LAMB1: variants seen among roughly 807,000 people sequenced by gnomAD.
LAMB1 encodes the protein laminin subunit beta 1.
LAMB1 carries 121 observed loss-of-function variants against 222.3 expected under a neutral mutation model. The observed-to-expected ratio is 0.54, with a 90% CI of 0.47 to 0.63. The LOEUF is 0.63. Among genes scored for constraint, LAMB1 ranks in the 30% least tolerant of loss-of-function variants. The pLI is 0.00. For synonymous variants in LAMB1, 794 were observed against 807.2 expected (o/e 0.98, Z 0.28); for missense variants, 2,172 against 2,240.8 (o/e 0.97, Z 0.62).
intron 3 of LAMB1, 149 bp from the exon 4 acceptor site, chr7:107,998,641 T>A (rs2034325331): frequency 3.2e-6 from 2 of 621,536 alleles, no homozygotes; most frequent in Non-Finnish European, 5.4e-6. Flanking sequence ...GAGATTTGTA[T>A]CACATCTTTC....
intron 13 of LAMB1, among the ~76,000 whole-genome samples, chr7:107,964,890 T>C (rs1394370610): frequency 1.8e-4 from 28 of 152,244 alleles, no homozygotes; most frequent in Admixed American, 1.8e-3. Flanking sequence ...GAACCTGGTC[T>C]TCTCGGTTTT....
Position 107,929,569 on chromosome 7 carries a change from T to G in LAMB1, c.4588A>C (p.Lys1530Gln). 6.2e-7 allele frequency: 1 copy of G among 1,614,158 alleles called. No homozygotes were observed. Among genetic ancestry groups the G allele is most frequent in the Non-Finnish European group, 8.5e-7 (1 of 1,180,008 alleles). Residue 1530 changes from lysine (K) to glutamine (Q), a missense_variant, in exon 30 of 34, where the codon AAA becomes CAA. Transcript: ENST00000222399. The stretch of plus-strand genomic sequence containing the variant: ...TGTGGGGTGCTAGGCATCTCCATTT[T>G]CAATACTTCATTAGCAACTGCTTCA... ...SIEAVANEVL[K>Q]MEMPSTPQQL...
intron 27 of LAMB1, 42 bp downstream of exon 27, chr7:107,935,373 T>C (rs1341670727): frequency 9.1e-7 from 1 of 1,100,212 alleles, no homozygotes; most frequent in Non-Finnish European, 1.2e-6. Context: ...TTTTTTTTTT[T>C]GCTTGGCACC....
chr7:107,934,133 ATCTTT>A (rs758514697), intron 27 of LAMB1, among the ~76,000 whole-genome samples: 33 of 152,142 alleles, frequency 2.2e-4, no homozygotes, highest in South Asian at 8.3e-4. Context: ...TTTTTTCTTC[ATCTTT>A]TATTTTTCCA....
intron 26 of LAMB1, 126 bp downstream of exon 26, chr7:107,936,967 A>G: frequency 2.7e-6 from 2 of 748,146 alleles, no homozygotes; most frequent in Non-Finnish European, 4.2e-6. Flanking sequence ...TGTGCCAGAA[A>G]CTGGATGAGC....
At chr7:107,938,398 G>T (rs2032900466) in intron 25 of LAMB1, among the ~76,000 whole-genome samples, 1 of 148,028 alleles carries the variant, frequency 6.8e-6, no homozygotes, top group South Asian at 2.2e-4. Flanking sequence ...TTCTTCTCAG[G>T]TCTCATAAAA....
At chr7:107,961,492 A>C in intron 16 of LAMB1, 57 bp downstream of exon 16, 1 of 1,590,766 alleles carries the variant, frequency 6.3e-7, no homozygotes, top group Non-Finnish European at 8.6e-7. Flanking sequence ...AAAATATTAG[A>C]AAAATACTAA....
chr7:107,960,098 C>CAG (rs1318891747), intron 18 of LAMB1, among the ~76,000 whole-genome samples: 1 of 152,150 alleles, frequency 6.6e-6, no homozygotes, highest in East Asian at 1.9e-4. Context: ...CAGTGACCTT[C>CAG]AGAGGATGGT....
In LAMB1 at chr7:107,955,451, T is replaced by A. The variant is rs200447170; in HGVS notation, c.2854+16A>T. On this transcript the variant is annotated intron_variant, in intron 21 of 33. Transcript: ENST00000222399. ...TTTTCTCTCTCTTTGCCTCCCAAAG[T>A]ATGCACACGACTTACCAATGTATCC... The A allele has an allele frequency of 5.0e-6, 8 of 1,596,090 alleles. No individual in the cohort carries two copies. The highest frequency in any genetic ancestry group is 3.4e-5 in the Admixed American group (2 of 58,678).
Position 107,932,331 on chromosome 7 carries a change from CCA to C in LAMB1, c.4233_4234del (p.Cys1411TrpfsTer8). The C allele has an allele frequency of 6.2e-7, 1 of 1,614,224 alleles. No individual in the cohort carries two copies. The highest frequency in any genetic ancestry group is 8.5e-7 in the Non-Finnish European group (1 of 1,180,044). ...TTCGTCAGTTCTGCAGTTTGGCCCG[CCA>C]CATTCAGTCTCGGAACAGGAGGCCC... On this transcript the variant is annotated frameshift_variant, in exon 28 of 34. Transcript: ENST00000222399. LOFTEE classifies it high-confidence loss of function.
At chr7:107,974,947 T>TCACCAACCACCCATCCC (rs758135680) in intron 12 of LAMB1, 39 bp downstream of exon 12, 1 of 1,186,524 alleles carries the variant, frequency 8.4e-7, no homozygotes, top group East Asian at 2.3e-5. Flanking sequence ...CATGTCATCC[T>TCACCAACCACCCATCCC]CACCAACCAC....
chr7:107,961,407 C>A, intron 16 of LAMB1, 78 bp from the exon 17 acceptor site: 1 of 1,588,492 alleles, frequency 6.3e-7, no homozygotes. Context: ...AAAAACAAAG[C>A]TCTGCATCGA....
intron 5 of LAMB1, among the ~76,000 whole-genome samples, chr7:107,992,217 A>C (rs1318609091): frequency 6.6e-6 from 1 of 152,154 alleles, no homozygotes; most frequent in African/African-American, 2.4e-5. Flanking sequence ...GCCCAGGTCA[A>C]GTGCAGTCCC....
At chr7:108,001,884 G>T in intron 2 of LAMB1, 151 bp from the exon 3 acceptor site, 1 of 1,471,102 alleles carries the variant, frequency 6.8e-7, no homozygotes, top group South Asian at 1.4e-5. Flanking sequence ...ATGGAGAGAT[G>T]AGCGCAGGAG....
chr7:107,984,497 C>T (rs2034036250), intron 7 of LAMB1, among the ~76,000 whole-genome samples: 3 of 152,216 alleles, frequency 2.0e-5, no homozygotes, highest in Non-Finnish European at 4.4e-5. Flanking sequence ...ATCCGCCTGC[C>T]TTGGCCTCCC....
intron 5 of LAMB1, among the ~76,000 whole-genome samples, chr7:107,993,950 C>G (rs1017449613): frequency 1.3e-5 from 2 of 152,180 alleles, no homozygotes; most frequent in African/African-American, 4.8e-5. Flanking sequence ...TGCATTCTGA[C>G]TCCCACACCC....
chr7:107,977,404 C>G (rs1052421556), intron 9 of LAMB1, among the ~76,000 whole-genome samples: 6 of 152,144 alleles, frequency 3.9e-5, no homozygotes, highest in African/African-American at 1.4e-4. Context: ...GGCACAGAAA[C>G]AAGGCCAAAA....
intron 32 of LAMB1, 79 bp from the exon 33 acceptor site, chr7:107,924,468 G>T: frequency 8.9e-7 from 1 of 1,125,370 alleles, no homozygotes; most frequent in Non-Finnish European, 1.2e-6. Flanking sequence ...GTGTAATCAT[G>T]GCATGCATTC....
intron 20 of LAMB1, among the ~76,000 whole-genome samples, chr7:107,955,926 C>T (rs956201501): frequency 2.0e-5 from 3 of 152,044 alleles, no homozygotes; most frequent in African/African-American, 2.4e-5. Flanking sequence ...GAGATGGAGT[C>T]GCGCTCTGTT....
Sources: allele counts gnomAD v4.1 joint callset (sites outside exome capture counted in the v4.1 genomes callset), GRCh38; gene constraint gnomAD v4.1.1; transcripts MANE v1.5; gene names NCBI Gene and HGNC (gene_info 2026-07-23, HGNC 2026-07-21).